Variants in MCTP2 observed in about 807,000 individuals in gnomAD.
The protein encoded by MCTP2 is multiple C2 and transmembrane domain-containing protein 2.
Under a neutral mutation model 111.6 loss-of-function variants are expected in MCTP2, and 132 were observed. That is an observed-to-expected ratio of 1.18 (90% CI 1.03 to 1.37). The LOEUF (loss-of-function observed/expected upper bound fraction) is 1.37. Among genes scored for constraint, MCTP2 ranks in the 40% most tolerant of loss-of-function variants. The probability of loss-of-function intolerance (pLI) is 0.00; values close to 1 mark genes in which losing one functional copy is unlikely to be tolerated. For missense variants in MCTP2, 1,183 were observed against 1,067.9 expected (o/e 1.11, Z -1.50); for synonymous variants, 395 against 387.7 (o/e 1.02, Z -0.22).
intron 14 of MCTP2, among the ~76,000 whole-genome samples, chr15:94,391,618 A>G (rs7167238): frequency 0.12 from 18,170 of 152,154 alleles, 1,241 homozygotes; most frequent in African/African-American, 0.13. Context: ...TTGAACGGAA[A>G]TTTCACCTCT....
rs139361281 is a variant in MCTP2 at position 94,304,258 on chromosome 15, G to A, written c.465+5528G>A. On this transcript the variant is annotated intron_variant, in intron 2 of 22. Transcript: ENST00000357742. ...GAAGGTCAAGACCAGCCTTGCCAAC[G>A]TGGTAAAATCCTGTCTCTACTAAAA... Among the ~76,000 whole-genome samples the A allele has an allele frequency of 3.9e-3, 598 of 152,234 alleles. 1 individual carries two copies. The highest frequency in any genetic ancestry group is 0.012 in the African/African-American group (489 of 41,550).
At chr15:94,462,444 T>G (rs2085273432) in intron 20 of MCTP2, among the ~76,000 whole-genome samples, 1 of 152,212 alleles carries the variant, frequency 6.6e-6, no homozygotes, top group African/African-American at 2.4e-5. Context: ...ACAAAGTGTC[T>G]TGTTTTGAGA....
At chr15:94,322,032 G>A (rs755481346) in intron 4 of MCTP2, among the ~76,000 whole-genome samples, 41 of 152,192 alleles carry the variant, frequency 2.7e-4, no homozygotes, top group Non-Finnish European at 5.1e-4. Flanking sequence ...TGGTCTTGCT[G>A]TCTCAGGAGA....
intron 15 of MCTP2, chr15:94,399,482 A>AT (rs2081448287): frequency 5.8e-6 from 1 of 171,420 alleles, no homozygotes; most frequent in Admixed American, 6.0e-5. Context: ...TCATTGACTT[A>AT]TTTTTCCGGG....
chr15:94,356,353 A>G, intron 9 of MCTP2, 52 bp downstream of exon 9: 1 of 1,438,260 alleles, frequency 7.0e-7, no homozygotes, highest in Non-Finnish European at 9.2e-7. Context: ...ATAAAAAAAA[A>G]TTAAAAATTG....
At chr15:94,412,199 T>C (rs1181215849) in intron 17 of MCTP2, among the ~76,000 whole-genome samples, 2 of 152,200 alleles carry the variant, frequency 1.3e-5, no homozygotes, top group Non-Finnish European at 2.9e-5. Flanking sequence ...ACACTACTTT[T>C]ACAATGCACG....
chr15:94,410,821 T>C (rs1378399577), intron 17 of MCTP2, among the ~76,000 whole-genome samples: 1 of 152,248 alleles, frequency 6.6e-6, no homozygotes, highest in African/African-American at 2.4e-5. Context: ...TGCTTTCTTT[T>C]TATTCGTACA....
intron 19 of MCTP2, among the ~76,000 whole-genome samples, chr15:94,455,657 C>T (rs2084779036): frequency 6.6e-6 from 1 of 151,922 alleles, no homozygotes; most frequent in Non-Finnish European, 1.5e-5. Flanking sequence ...CATCTCCTGA[C>T]CTCGTTATCT....
Position 94,233,494 on chromosome 15 carries a change from T to A in MCTP2, c.-66+1830T>A, listed in dbSNP as rs150341536. Among the ~76,000 whole-genome samples the A allele has an allele frequency of 1.8e-3, 273 of 152,256 alleles. 3 individuals carry two copies. The highest frequency in any genetic ancestry group is 5.6e-3 in the Admixed American group (85 of 15,296). On this transcript the variant is annotated intron_variant, in intron 1 of 22. Transcript: ENST00000357742. ...TGCAGAGGTGAGTTTCTCAGCTGAG[T>A]GGGCTTTGAAATCAATTTCAGCTTG... is the stretch of plus-strand genomic sequence containing the variant.
rs1567256540 is a variant in MCTP2 at position 94,244,087 on chromosome 15, T to TATGTGTATATGTTTATATACAC, written c.-66+12427_-66+12428insGTATATGTTTATATACACATGT. ...ATATGTGTATATATTTATGCACACA[T>TATGTGTATATGTTTATATACAC]ATGTATACACATACATATGTGTATA... On this transcript the variant is annotated intron_variant, in intron 1 of 22. Transcript: ENST00000357742. 6.4e-4 allele frequency among the ~76,000 whole-genome samples: 35 copies of TATGTGTATATGTTTATATACAC among 54,768 alleles called. 2 individuals are homozygous for TATGTGTATATGTTTATATACAC. Among genetic ancestry groups the TATGTGTATATGTTTATATACAC allele is most frequent in the African/African-American group, 1.3e-3 (20 of 15,670 alleles). 35.9% of individuals were successfully genotyped at this position (54,768 alleles called of 152,430 possible).
intron 1 of MCTP2, among the ~76,000 whole-genome samples, chr15:94,282,628 G>A (rs912692985): frequency 3.3e-5 from 5 of 152,214 alleles, no homozygotes; most frequent in African/African-American, 1.2e-4. Flanking sequence ...TTTTAGAGTT[G>A]CCAGAGATCT....
Position 94,412,623 on chromosome 15 carries a change from G to A in MCTP2, c.2085+10604G>A, listed in dbSNP as rs927623909. Among the ~76,000 whole-genome samples the A allele has an allele frequency of 8.5e-5, 13 of 152,128 alleles. No individual in the cohort carries two copies. The South Asian group carries it at 1.0e-3, about 12-fold the overall frequency. On this transcript the variant is annotated intron_variant, in intron 17 of 22. Transcript: ENST00000357742. ...ACCTTGCTCTTTATTAGGCTTTAGC[G>A]ATGCTGTTAGTGAAGCCTTGTCTTA...
intron 17 of MCTP2, among the ~76,000 whole-genome samples, chr15:94,430,621 G>A (rs890317888): frequency 3.3e-5 from 5 of 150,020 alleles, no homozygotes; most frequent in East Asian, 2.0e-4. Context: ...CGTGGTGGGC[G>A]CCTGTAATCG....
At chr15:94,466,204 A>ATTTCAATATCTGAAATCT (rs1234090880) in intron 20 of MCTP2, among the ~76,000 whole-genome samples, 4 of 152,142 alleles carry the variant, frequency 2.6e-5, no homozygotes, top group African/African-American at 9.7e-5. Context: ...ATTGGATTAG[A>ATTTCAATATCTGAAATCT]TTTCAATATC....
At chr15:94,267,168 A>G (rs1354689551) in intron 1 of MCTP2, among the ~76,000 whole-genome samples, 1 of 152,240 alleles carries the variant, frequency 6.6e-6, no homozygotes, top group African/African-American at 2.4e-5. Flanking sequence ...TGCCGCAATC[A>G]TAATGTAGGT....
intron 8 of MCTP2, among the ~76,000 whole-genome samples, chr15:94,355,005 C>T (rs548537086): frequency 6.6e-6 from 1 of 152,312 alleles, no homozygotes; most frequent in African/African-American, 2.4e-5. Flanking sequence ...ATAAAGAAGC[C>T]TATGCTTGTG....
chr15:94,432,321 G>A (rs1005898675), intron 17 of MCTP2, among the ~76,000 whole-genome samples: 2 of 152,112 alleles, frequency 1.3e-5, no homozygotes, highest in Non-Finnish European at 2.9e-5. Flanking sequence ...GGCAAATATA[G>A]AGAACATATA....
intron 8 of MCTP2, among the ~76,000 whole-genome samples, chr15:94,348,055 C>G (rs553264639): frequency 3.9e-5 from 6 of 152,234 alleles, no homozygotes; most frequent in African/African-American, 1.4e-4. Context: ...CGTAGCCTCT[C>G]TTTTGACCCT....
At position 94,399,961 on chromosome 15, in the gene MCTP2, G is replaced by GC; in HGVS notation, c.1932dup (p.Phe645LeufsTer3). The GC allele has an allele frequency of 6.2e-7, 1 of 1,614,004 alleles. No homozygotes were observed. Among genetic ancestry groups the GC allele is most frequent in the Non-Finnish European group, 8.5e-7 (1 of 1,179,888 alleles). On this transcript the variant is annotated frameshift_variant, in exon 16 of 23. Transcript: ENST00000357742. LOFTEE classifies it high-confidence loss of function. ...AGGACTTTTACTCCCCGGGAAAAGC[G>GC]CTTTGTTGAAGACAGCCGCAAGCTG...
Sources: gnomAD v4.1 joint callset for allele counts (sites outside exome capture counted in the v4.1 genomes callset) on GRCh38, gnomAD v4.1.1 for gene constraint, MANE v1.5 for transcripts, NCBI Gene and HGNC (gene_info 2026-07-23, HGNC 2026-07-21) for gene names.